Variants in SERINC3 observed in about 807,000 individuals in gnomAD.
SERINC3 encodes the protein tumor differentially expressed protein 1.
SERINC3 carries 22 observed loss-of-function variants against 52.1 expected under a neutral mutation model. That is an observed-to-expected ratio of 0.42 (90% CI 0.30 to 0.60). The LOEUF is 0.60. Among genes scored for constraint, SERINC3 ranks in the 20% least tolerant of loss-of-function variants. The probability of loss-of-function intolerance (pLI) is 0.16; values close to 1 mark genes in which losing one functional copy is unlikely to be tolerated. For synonymous variants in SERINC3, 226 were observed against 212.7 expected (o/e 1.06, Z -0.54); for missense variants, 564 against 584.6 (o/e 0.96, Z 0.36).
chr20:44,511,292 A>G lies in SERINC3; in HGVS notation c.472T>C (p.Ser158Pro). The change falls in exon 4 of 10, where the codon TCA becomes CCA. Residue 158 changes from serine (S) to proline (P), a missense_variant. Transcript: ENST00000342374. Reference protein sequence around the residue: ...SFYIPGGYFSSVWFVVGMIGA... With the variant: ...SFYIPGGYFSPVWFVVGMIGA... ...CCCCCTCAATGGTGAACCCTACCTG[A>G]GCTGAAATAGCCCCCAGGGATGTAG... 6.2e-7 allele frequency: 1 copy of G among 1,604,362 alleles called. No individual in the cohort carries two copies. The highest frequency in any genetic ancestry group is 8.5e-7 in the Non-Finnish European group (1 of 1,171,126).
At chr20:44,520,621 G>C (rs2064410276) in intron 1 of SERINC3, among the ~76,000 whole-genome samples, 1 of 152,110 alleles carries the variant, frequency 6.6e-6, no homozygotes, top group Non-Finnish European at 1.5e-5. Flanking sequence ...AGGACGGTGG[G>C]GGGATAGGGG....
intron 6 of SERINC3, among the ~76,000 whole-genome samples, chr20:44,506,268 T>G (rs1600811615): frequency 5.9e-5 from 7 of 118,904 alleles, no homozygotes; most frequent in East Asian, 4.8e-4. Context: ...GGGACAAGAG[T>G]GAGACTTTGT....
At chr20:44,518,650 A>G (rs753454431) in intron 1 of SERINC3, among the ~76,000 whole-genome samples, 2 of 152,052 alleles carry the variant, frequency 1.3e-5, no homozygotes, top group African/African-American at 2.4e-5. Flanking sequence ...CCTTTCTCCC[A>G]GCTTCCTTTT....
Position 44,504,790 on chromosome 20 carries a change from C to T in SERINC3, c.874+11G>A, listed in dbSNP as rs1361288352. On this transcript the variant is annotated intron_variant, in intron 7 of 9. Coordinates refer to ENST00000342374, the MANE Select transcript of SERINC3 (RefSeq NM_006811.4). ...TTTTATCAAATGAATGTGTTATTGA[C>T]ATTCCCTTACCAGGTTCATTGGACA... 1.9e-6 allele frequency: 3 copies of T among 1,591,494 alleles called. No individual in the cohort carries two copies. Among genetic ancestry groups the T allele is most frequent in the Middle Eastern group, 1.7e-4 (1 of 5,950 alleles).
At position 44,506,584 on chromosome 20, in the gene SERINC3, C is replaced by CAAAAAAAAAAAA. The variant is rs1191331026; in HGVS notation, c.783+231_783+242dup. On this transcript the variant is annotated intron_variant, in intron 6 of 9. Coordinates refer to ENST00000342374, the MANE Select transcript of SERINC3 (RefSeq NM_006811.4). ...TGGTTGACAGAGCGAGACTCCATCT[C>CAAAAAAAAAAAA]AAAAAAAAAAAAAAAAAAAAAAAAA... is the stretch of plus-strand genomic sequence containing the variant. Among the ~76,000 whole-genome samples, 92 of 14,260 alleles carry CAAAAAAAAAAAA rather than the reference C, an allele frequency of 6.5e-3. 8 individuals are homozygous for CAAAAAAAAAAAA. Among genetic ancestry groups the CAAAAAAAAAAAA allele is most frequent in the African/African-American group, 0.021 (89 of 4,186 alleles). 9.4% of individuals were successfully genotyped at this position (14,260 alleles called of 152,430 possible).
chr20:44,513,870 A>G lies in SERINC3; in HGVS notation c.201+9T>C. On this transcript the variant is annotated intron_variant, in intron 2 of 9. Transcript: ENST00000342374. The stretch of plus-strand genomic sequence containing the variant: ...TAACCAATACCTTAAGGGCACTGTT[A>G]CTTCTTACCTTCTTCAAGTAAGTTT... 6.3e-7 allele frequency: 1 copy of G among 1,585,586 alleles called. No homozygotes were observed. The highest frequency in any genetic ancestry group is 8.6e-7 in the Non-Finnish European group (1 of 1,165,282).
At position 44,504,839 on chromosome 20, in the gene SERINC3, G is replaced by C. The variant is rs2064301415; in HGVS notation, c.836C>G (p.Thr279Ser). The C allele has an allele frequency of 6.2e-7, 1 of 1,613,614 alleles. No individual in the cohort carries two copies. Among genetic ancestry groups the C allele is most frequent in the Non-Finnish European group, 8.5e-7 (1 of 1,179,588 alleles). ...CATGGCTGACCAGGTGAGGTACATA[G>C]TGTAGAGGGTGATGAGGGAGGACTG... The part of the protein sequence containing the change: ...LLQSSLITLY[T>S]MYLTWSAMSN... The change falls in exon 7 of 10, where the codon ACT becomes AGT. Residue 279 changes from threonine (T) to serine (S), a missense_variant. Transcript: ENST00000342374.
chr20:44,509,845 G>C lies in SERINC3; in HGVS notation c.613+46C>G, dbSNP rs369179029. On this transcript the variant is annotated intron_variant, in intron 5 of 9. Coordinates refer to ENST00000342374, the MANE Select transcript of SERINC3 (RefSeq NM_006811.4). ...AATGATGATTTTTATTGTACACCGT[G>C]CTTAATGTAGCAGTATGGCTAACAT... 31 of 1,593,212 alleles carry C rather than the reference G, an allele frequency of 1.9e-5. No individual in the cohort carries two copies. In the African/African-American group the frequency reaches 4.0e-4, roughly 21 times the overall value.
Position 44,513,876 on chromosome 20 carries a change from T to C in SERINC3, c.201+3A>G. ...ATACCTTAAGGGCACTGTTACTTCT[T>C]ACCTTCTTCAAGTAAGTTTCCATCT... On this transcript the variant is annotated splice_donor_region_variant and intron_variant, in intron 2 of 9. Coordinates refer to ENST00000342374, the MANE Select transcript of SERINC3 (RefSeq NM_006811.4). The C allele has an allele frequency of 6.3e-7, 1 of 1,597,328 alleles. No individual in the cohort carries two copies. Among genetic ancestry groups the C allele is most frequent in the South Asian group, 1.1e-5 (1 of 88,570 alleles).
rs112877597 is a variant in SERINC3, at chr20:44,498,451, C to T, written c.*1845G>A. The T allele has an allele frequency of 0.058, 8,844 of 152,304 alleles. 301 individuals are homozygous for T. The highest frequency in any genetic ancestry group is 0.085 in the African/African-American group (3,528 of 41,508). 9.4% of individuals were successfully genotyped at this position (152,304 alleles called of 1,614,324 possible). On this transcript the variant is annotated 3_prime_UTR_variant, in exon 10 of 10. Coordinates refer to ENST00000342374, the MANE Select transcript of SERINC3 (RefSeq NM_006811.4). The stretch of plus-strand genomic sequence containing the variant: ...ATTAGCCAGGCGTGGTGGTGGGTGC[C>T]TGTAGTCCCAGCTACTAGGGAGGCT...
At chr20:44,496,415 A>G (rs1193382521), downstream of SERINC3, 1 of 152,410 alleles carries the variant, frequency 6.6e-6, no homozygotes, top group African/African-American at 2.4e-5. Context: ...AGCAGCTTCC[A>G]TTAATAAGCA....
In SERINC3 at chr20:44,519,012, T is replaced by C. The variant is rs185257158; in HGVS notation, c.39+2901A>G. ...AAGCCTCAAGTTCTAACCGCCCCCT[T>C]TGAGTTACTATTACTGAGCACTCCT... On this transcript the variant is annotated intron_variant, in intron 1 of 9. Coordinates refer to ENST00000342374, the MANE Select transcript of SERINC3 (RefSeq NM_006811.4). Among the ~76,000 whole-genome samples the C allele has an allele frequency of 2.2e-3, 334 of 151,710 alleles. 1 individual carries two copies. The highest frequency in any genetic ancestry group is 3.7e-3 in the Non-Finnish European group (252 of 67,944).
rs1186169502 is a variant in SERINC3, at chr20:44,513,927, G to A, written c.153C>T (p.Val51=). 6.2e-6 allele frequency: 10 copies of A among 1,613,910 alleles called. No homozygotes were observed. The highest frequency in any genetic ancestry group is 2.2e-5 in the East Asian group (1 of 44,884). Residue 51 remains valine, a synonymous_variant, in exon 2 of 10, where the codon GTC becomes GTT. Coordinates refer to ENST00000342374, the MANE Select transcript of SERINC3 (RefSeq NM_006811.4). ...CTTTTCTCTGCATGATATAGGATAC[G>A]ACAGTGCTCAGGAGGAGAATGAAAG... ...IYAFILLLST[V]VSYIMQRKEM... is the part of the protein sequence containing the mutation.
chr20:44,503,370 G>A (rs1207825157), intron 8 of SERINC3, among the ~76,000 whole-genome samples: 3 of 152,184 alleles, frequency 2.0e-5, no homozygotes, highest in Admixed American at 6.5e-5. Flanking sequence ...ACTACAGGCT[G>A]GGCATGGTGG....
intron 1 of SERINC3, among the ~76,000 whole-genome samples, chr20:44,515,856 A>G (rs1036106487): frequency 6.6e-6 from 1 of 151,530 alleles, no homozygotes; most frequent in Non-Finnish European, 1.5e-5. Flanking sequence ...GGGTTTTGTC[A>G]TGTTGCCCAG....
In SERINC3 at chr20:44,497,799, C is replaced by A. The variant is rs1393673459; in HGVS notation, c.*2497G>T. Reference sequence around the variant, plus strand: ...GCCTGTCCCCTCTGTGTTCCTCTGTCTAATTCTGTAACAAAATCTGAAATC... The same window carrying A: ...GCCTGTCCCCTCTGTGTTCCTCTGTATAATTCTGTAACAAAATCTGAAATC... On this transcript the variant is annotated 3_prime_UTR_variant, in exon 10 of 10. Coordinates refer to ENST00000342374, the MANE Select transcript of SERINC3 (RefSeq NM_006811.4). The A allele has an allele frequency of 6.6e-6, 1 of 152,214 alleles. No homozygotes were observed. The highest frequency in any genetic ancestry group is 1.5e-5 in the Non-Finnish European group (1 of 68,046). 9.4% of individuals were successfully genotyped at this position (152,214 alleles called of 1,614,324 possible). A position where few individuals can be genotyped will look rare whatever the true frequency, so the allele number is the denominator to read the frequency against.
chr20:44,505,492 TG>T (rs1480418708), intron 6 of SERINC3, among the ~76,000 whole-genome samples: 1 of 151,966 alleles, frequency 6.6e-6, no homozygotes, highest in Non-Finnish European at 1.5e-5. Context: ...GGCTAATTTT[TG>T]TACTTTTAGT....
intron 6 of SERINC3, 43 bp from the exon 7 acceptor site, chr20:44,504,934 G>A (rs896948471): frequency 5.9e-6 from 9 of 1,524,838 alleles, no homozygotes; most frequent in South Asian, 1.1e-5. Flanking sequence ...GACTGCCAAG[G>A]GCTGACTTTC....
intron 1 of SERINC3, among the ~76,000 whole-genome samples, chr20:44,516,998 G>A (rs1303259512): frequency 6.6e-6 from 1 of 152,140 alleles, no homozygotes; most frequent in African/African-American, 2.4e-5. Context: ...CTTAAAATAT[G>A]GTCCCAGGAA....
Sources: allele counts gnomAD v4.1 joint callset (sites outside exome capture counted in the v4.1 genomes callset), GRCh38; gene constraint gnomAD v4.1.1; transcripts MANE v1.5; gene names NCBI Gene and HGNC (gene_info 2026-07-23, HGNC 2026-07-21).